Variants in METTL21A observed in about 807,000 individuals in gnomAD.
METTL21A encodes protein N-lysine methyltransferase METTL21A.
A neutral mutation model predicts 20.9 loss-of-function variants in METTL21A; 22 were observed. The ratio of observed to expected loss-of-function variants is 1.05; its 90% CI spans 0.75 to 1.50. The LOEUF (loss-of-function observed/expected upper bound fraction) is 1.50. METTL21A is among the 40% of genes most tolerant of loss of function. The pLI, the probability that METTL21A is intolerant of heterozygous loss-of-function variation, is 0.00. For missense variants in METTL21A, 271 were observed against 266.8 expected (o/e 1.02, Z -0.11); for synonymous variants, 93 against 102.0 (o/e 0.91, Z 0.53).
intron 3 of METTL21A, among the ~76,000 whole-genome samples, chr2:207,589,808 AT>A (rs1475358682): frequency 6.6e-6 from 1 of 152,172 alleles, no homozygotes; most frequent in Non-Finnish European, 1.5e-5. Context: ...TGAACCCCCA[AT>A]TGGTCATGAA....
Position 207,613,258 on chromosome 2 carries a change from C to A in METTL21A, c.445G>T (p.Glu149Ter). Residue 149 changes from glutamate (E) to a stop codon, truncating the protein, a stop_gained, in exon 4 of 4, where the codon GAA becomes TAA. Coordinates refer to ENST00000406927, the Ensembl canonical transcript of METTL21A. LOFTEE classifies it high-confidence loss of function. ...TGAAGAAGATCTGTGAATGTTTCTT[C>A]TAAATATATGATATCAGCACCAAGT... is the stretch of plus-strand genomic sequence containing the variant. 3 of 1,613,300 alleles carry A rather than the reference C, an allele frequency of 1.9e-6. No individual in the cohort carries two copies. The highest frequency in any genetic ancestry group is 2.5e-6 in the Non-Finnish European group (3 of 1,179,846).
chr2:207,625,222 G>C (rs968286109), intron 1 of METTL21A: 1 of 152,226 alleles, frequency 6.6e-6, no homozygotes, highest in Non-Finnish European at 1.5e-5. Context: ...AGCACCCAGG[G>C]CTCGCCCAGG....
downstream of METTL21A, among the ~76,000 whole-genome samples, chr2:207,605,578 G>GT (rs1217963800): frequency 1.3e-5 from 2 of 150,844 alleles, no homozygotes; most frequent in African/African-American, 5.0e-5. Context: ...TTTGTGTTAT[G>GT]TTTTTTGTGA....
chr2:207,589,890 C>G (rs2084633287), intron 3 of METTL21A, among the ~76,000 whole-genome samples: 1 of 152,046 alleles, frequency 6.6e-6, no homozygotes, highest in Non-Finnish European at 1.5e-5. Flanking sequence ...ACGTTTATGG[C>G]TAATATGGGA....
intron 3 of METTL21A, chr2:207,597,766 A>G (rs2086406298): frequency 5.0e-6 from 1 of 201,534 alleles, no homozygotes; most frequent in Non-Finnish European, 1.0e-5. Context: ...ACATTTTTGA[A>G]TACATTAAAA....
In METTL21A at chr2:207,585,553, CAAT is replaced by C. The variant is rs531786616; in HGVS notation, c.260-3396_260-3394del. ...GAAACACGATACCTCCAAAGGAACA[CAAT>C]AATTTTCCACTAACAGATCTCAAAG... On this transcript the variant is annotated intron_variant, in intron 3 of 3. Transcript: ENST00000425132. Among the ~76,000 whole-genome samples, 141 of 152,172 alleles carry C rather than the reference CAAT, an allele frequency of 9.3e-4. 1 individual carries two copies. In the South Asian group the frequency reaches 0.028, roughly 31 times the overall value.
downstream of METTL21A, among the ~76,000 whole-genome samples, chr2:207,604,744 C>T (rs766977918): frequency 3.3e-5 from 5 of 152,208 alleles, no homozygotes; most frequent in African/African-American, 4.8e-5. Context: ...CCATTTTCTC[C>T]TCCCACCGCC....
downstream of METTL21A, among the ~76,000 whole-genome samples, chr2:207,604,669 C>A (rs1406898522): frequency 6.6e-6 from 1 of 152,012 alleles, no homozygotes; most frequent in Non-Finnish European, 1.5e-5. Context: ...CAATGGTGTA[C>A]AACCACCACT....
intron 2 of METTL21A, among the ~76,000 whole-genome samples, chr2:207,623,071 T>A (rs1008350014): frequency 2.6e-5 from 4 of 152,076 alleles, no homozygotes; most frequent in African/African-American, 9.7e-5. Flanking sequence ...CCACGGCTAA[T>A]TTTTGTATTT....
At chr2:207,624,391 C>T in exon 2 of METTL21A, 1 of 1,610,704 alleles carries the variant, frequency 6.2e-7, no homozygotes, top group Non-Finnish European at 8.5e-7. Context: ...CTGCACCCCG[C>T]CCTCTGCTCA....
downstream of METTL21A, chr2:207,612,543 T>C (rs2089117734): frequency 6.6e-6 from 1 of 152,310 alleles, no homozygotes; most frequent in African/African-American, 2.4e-5. Context: ...TAAAAGTGTT[T>C]AGGACCTAAA....
intron 3 of METTL21A, among the ~76,000 whole-genome samples, chr2:207,594,391 C>T (rs1281778477): frequency 3.3e-5 from 5 of 152,100 alleles, no homozygotes; most frequent in East Asian, 1.9e-4. Flanking sequence ...TTCCTCGTTC[C>T]CCCAGCCCCT....
intron 3 of METTL21A, among the ~76,000 whole-genome samples, chr2:207,590,069 T>C (rs1035487726): frequency 6.7e-6 from 1 of 148,602 alleles, no homozygotes; most frequent in African/African-American, 2.5e-5. Context: ...GCCTGGAGTT[T>C]TCTATTTTGA....
At chr2:207,586,504 G>T (rs940778425) in intron 3 of METTL21A, among the ~76,000 whole-genome samples, 2 of 152,044 alleles carry the variant, frequency 1.3e-5, no homozygotes. Context: ...CATTAGACTT[G>T]GCAAAAACTT....
chr2:207,623,312 A>C (rs1438652619), intron 2 of METTL21A, among the ~76,000 whole-genome samples: 1 of 152,210 alleles, frequency 6.6e-6, no homozygotes, highest in Non-Finnish European at 1.5e-5. Flanking sequence ...CTACGTGTTT[A>C]ACATCCCTAA....
At chr2:207,617,168 T>C (rs1575135524) in intron 3 of METTL21A, among the ~76,000 whole-genome samples, 1 of 152,218 alleles carries the variant, frequency 6.6e-6, no homozygotes, top group East Asian at 1.9e-4. Flanking sequence ...TTTAGTTTTA[T>C]AACACCTTAT....
intron 3 of METTL21A, among the ~76,000 whole-genome samples, chr2:207,592,542 C>T (rs761430689): frequency 6.6e-6 from 1 of 152,124 alleles, no homozygotes; most frequent in Non-Finnish European, 1.5e-5. Context: ...TAGGGATTTT[C>T]CCTCTCTTCC....
chr2:207,581,709 G>C (rs1281663037), exon 4 of METTL21A: 1 of 594,220 alleles, frequency 1.7e-6, no homozygotes, highest in East Asian at 2.8e-5. Flanking sequence ...TACATAACCA[G>C]GGTACATTTA....
At chr2:207,608,608 C>T (rs1322163051), downstream of METTL21A, among the ~76,000 whole-genome samples, 1 of 152,192 alleles carries the variant, frequency 6.6e-6, no homozygotes, top group East Asian at 1.9e-4. Context: ...TCCACGTTAA[C>T]TTCCATCTCC....
Sources: allele counts gnomAD v4.1 joint callset (sites outside exome capture counted in the v4.1 genomes callset), GRCh38; gene constraint gnomAD v4.1.1; transcripts MANE v1.5; gene names NCBI Gene and HGNC (gene_info 2026-07-23, HGNC 2026-07-21).